Variants in MICU1 observed in about 807,000 individuals in gnomAD.
MICU1 encodes mitochondrial calcium uptake 1, also known as calcium uptake protein 1, mitochondrial.
In MICU1, 45 loss-of-function variants were observed where a neutral mutation model predicts 56.8. The ratio of observed to expected loss-of-function variants is 0.79; its 90% CI spans 0.62 to 1.02. The LOEUF (loss-of-function observed/expected upper bound fraction) is 1.02, where lower values mean the gene tolerates loss of function less well. Ranked by LOEUF, MICU1 falls within the 50% of genes least tolerant of loss-of-function variation. The pLI, the probability that MICU1 is intolerant of heterozygous loss-of-function variation, is 0.00. For synonymous variants in MICU1, 186 were observed against 195.1 expected, an observed-to-expected ratio of 0.95 and a Z score of 0.39; for missense variants, 504 against 587.1, an observed-to-expected ratio of 0.86 and a Z score of 1.46.
intron 8 of MICU1, among the ~76,000 whole-genome samples, chr10:72,448,202 T>A (rs1197656750): frequency 4.2e-4 from 52 of 123,984 alleles, no homozygotes; most frequent in African/African-American, 1.5e-3. Flanking sequence ...TATTTTTTTT[T>A]TTTTTTTTTT....
intron 8 of MICU1, among the ~76,000 whole-genome samples, chr10:72,432,724 G>C (rs1171567457): frequency 2.0e-5 from 3 of 152,108 alleles, no homozygotes; most frequent in Non-Finnish European, 2.9e-5. Context: ...ATTACTATGG[G>C]GACGGCACCA....
intron 8 of MICU1, among the ~76,000 whole-genome samples, chr10:72,441,195 A>G (rs543387625): frequency 1.3e-5 from 2 of 152,326 alleles, no homozygotes; most frequent in South Asian, 4.1e-4. Flanking sequence ...TGTGGCACAT[A>G]TACACCATGG....
chr10:72,456,904 TTG>T (rs1221601781), intron 8 of MICU1, among the ~76,000 whole-genome samples: 8 of 134,088 alleles, frequency 6.0e-5, no homozygotes, highest in Admixed American at 5.3e-4. Flanking sequence ...TGTGTGTGTT[TTG>T]TTTGTTTTTG....
chr10:72,474,415 T>A (rs1031599349), intron 8 of MICU1, among the ~76,000 whole-genome samples: 1 of 152,096 alleles, frequency 6.6e-6, no homozygotes, highest in Non-Finnish European at 1.5e-5. Context: ...ATGTTTTGAA[T>A]GGAACAGAAT....
intron 5 of MICU1, among the ~76,000 whole-genome samples, chr10:72,512,100 GTTTTTTGTTTTTT>G (rs1398759305): frequency 4.9e-5 from 4 of 82,332 alleles, no homozygotes; most frequent in East Asian, 7.5e-4. Context: ...ATACACAGTT[GTTTTTTGTTTTTT>G]TTTTTTTTTT....
intron 1 of MICU1, among the ~76,000 whole-genome samples, chr10:72,601,934 G>T (rs1841548869): frequency 6.6e-6 from 1 of 151,530 alleles, no homozygotes. Context: ...TGAGTAGATG[G>T]GACTACAGGA....
chr10:72,370,290 T>C (rs1862291919), intron 11 of MICU1, among the ~76,000 whole-genome samples: 1 of 152,154 alleles, frequency 6.6e-6, no homozygotes, highest in African/African-American at 2.4e-5. Context: ...ATTAAAATAA[T>C]GACACCCATT....
chr10:72,498,455 G>C (rs543403978), intron 6 of MICU1, among the ~76,000 whole-genome samples: 1 of 152,250 alleles, frequency 6.6e-6, no homozygotes, highest in East Asian at 1.9e-4. Context: ...GTGTGGTGAT[G>C]CGTGCCTGTA....
At chr10:72,397,319 T>G (rs542817605) in intron 10 of MICU1, among the ~76,000 whole-genome samples, 40 of 152,262 alleles carry the variant, frequency 2.6e-4, no homozygotes, top group South Asian at 1.0e-3. Flanking sequence ...TACCAGCCAC[T>G]GCAAAAACAG....
In MICU1 at chr10:72,434,503, T is replaced by C. The variant is rs528728498; in HGVS notation, c.934-11132A>G. ...AGCAGAAGATCTTATATCCAATTTC[T>C]GCTTTCAATAACATGAAAAACCCTA... On this transcript the variant is annotated intron_variant, in intron 8 of 11. Coordinates refer to ENST00000361114, the MANE Select transcript of MICU1 (RefSeq NM_001195518.2). Among the ~76,000 whole-genome samples the C allele has an allele frequency of 2.0e-5, 3 of 152,272 alleles. No homozygotes were observed. In the South Asian group the frequency reaches 6.2e-4, roughly 32 times the overall value.
Position 72,371,123 on chromosome 10 carries a change from C to T in MICU1, c.1271-2768G>A, listed in dbSNP as rs564598863. ...TGCTTGGGCTGGGTGCAGTGGCTCA[C>T]GCCTATAATCCCAGCACTTTGGGAG... On this transcript the variant is annotated intron_variant, in intron 11 of 11. Transcript: ENST00000361114. Among the ~76,000 whole-genome samples the T allele has an allele frequency of 5.3e-5, 8 of 152,000 alleles. No homozygotes were observed. The East Asian group carries it at 5.8e-4, about 11-fold the overall frequency.
intron 8 of MICU1, among the ~76,000 whole-genome samples, chr10:72,460,771 A>T (rs547476394): frequency 1.9e-4 from 29 of 151,594 alleles, no homozygotes; most frequent in Non-Finnish European, 2.6e-4. Flanking sequence ...ATTTTTTTTT[A>T]AATATTTTTC....
intron 7 of MICU1, among the ~76,000 whole-genome samples, 200 bp downstream of exon 7, chr10:72,476,974 A>C (rs1172766816): frequency 6.6e-6 from 1 of 152,214 alleles, no homozygotes; most frequent in Non-Finnish European, 1.5e-5. Flanking sequence ...TGTTCAAATA[A>C]TTCATTACAT....
At chr10:72,538,207 A>T (rs548373458) in intron 4 of MICU1, among the ~76,000 whole-genome samples, 31 of 152,258 alleles carry the variant, frequency 2.0e-4, no homozygotes, top group Admixed American at 7.2e-4. Context: ...ACTTCTGTGC[A>T]TTAAAAATCA....
At chr10:72,601,334 C>A (rs190731540) in intron 1 of MICU1, among the ~76,000 whole-genome samples, 3 of 149,132 alleles carry the variant, frequency 2.0e-5, no homozygotes, top group Non-Finnish European at 4.4e-5. Context: ...TGAGGTGGGA[C>A]GATCACTTGA....
chr10:72,585,974 C>T (rs1589367468), intron 1 of MICU1, among the ~76,000 whole-genome samples: 1 of 126,400 alleles, frequency 7.9e-6, no homozygotes, highest in Non-Finnish European at 1.7e-5. Flanking sequence ...ATTTGTATAA[C>T]TTTTCATTGT....
intron 4 of MICU1, among the ~76,000 whole-genome samples, chr10:72,546,474 C>T (rs1168880145): frequency 6.6e-6 from 1 of 152,164 alleles, no homozygotes; most frequent in Non-Finnish European, 1.5e-5. Flanking sequence ...CTTCCATTTT[C>T]TGTCCATCAC....
rs1863353053 is a variant in MICU1, at chr10:72,398,808, C to T, written c.1180+9121G>A. Reference sequence around the variant, plus strand: ...AATTCAGGCAATAATTAATAGCCTACCAACCAAAAAAAAGTCCAGGACCAG... The same window carrying T: ...AATTCAGGCAATAATTAATAGCCTATCAACCAAAAAAAAGTCCAGGACCAG... On this transcript the variant is annotated intron_variant, in intron 10 of 11. Coordinates refer to ENST00000361114, the MANE Select transcript of MICU1 (RefSeq NM_001195518.2). 2.0e-5 allele frequency among the ~76,000 whole-genome samples: 3 copies of T among 152,034 alleles called. No individual in the cohort carries two copies. In the South Asian group the frequency reaches 6.2e-4, roughly 31 times the overall value.
chr10:72,446,748 C>A (rs1227900656), intron 8 of MICU1, among the ~76,000 whole-genome samples: 2 of 152,048 alleles, frequency 1.3e-5, no homozygotes, highest in African/African-American at 2.4e-5. Context: ...GTGTCTCAAA[C>A]CAATGTTTCT....
Sources: gnomAD v4.1 joint callset for allele counts (sites outside exome capture counted in the v4.1 genomes callset) on GRCh38, gnomAD v4.1.1 for gene constraint, MANE v1.5 for transcripts, NCBI Gene and HGNC (gene_info 2026-07-23, HGNC 2026-07-21) for gene names.